Variants in ZNF248 observed in about 807,000 individuals in gnomAD.
The protein encoded by ZNF248 is zinc finger protein 248.
ZNF248 carries 20 observed loss-of-function variants against 44.3 expected under a neutral mutation model. The ratio of observed to expected loss-of-function variants is 0.45; its 90% CI spans 0.32 to 0.66. The LOEUF (loss-of-function observed/expected upper bound fraction) is 0.66, where lower values mean the gene tolerates loss of function less well. Among genes scored for constraint, ZNF248 ranks in the 30% least tolerant of loss-of-function variants. The pLI, the probability that ZNF248 is intolerant of heterozygous loss-of-function variation, is 0.04. For missense variants in ZNF248, 654 were observed against 677.0 expected, an observed-to-expected ratio of 0.97 and a Z score of 0.38; for synonymous variants, 224 against 229.0, an observed-to-expected ratio of 0.98 and a Z score of 0.20.
At chr10:37,768,526 G>A in the ZNF248 span, among the ~76,000 whole-genome samples, 3 of 152,110 alleles carry the variant, frequency 2.0e-5, no homozygotes, top group Non-Finnish European at 2.9e-5. Context: ...TGACTACTGG[G>A]TACATAACGA....
chr10:37,848,300 A>C (rs995892245), intron 3 of ZNF248, among the ~76,000 whole-genome samples: 3 of 150,126 alleles, frequency 2.0e-5, no homozygotes, highest in African/African-American at 7.4e-5. Flanking sequence ...AAAACAGAAT[A>C]CAGCCAGGCA....
chr10:37,758,585 A>G, the ZNF248 span, among the ~76,000 whole-genome samples: 1 of 152,164 alleles, frequency 6.6e-6, no homozygotes, highest in East Asian at 1.9e-4. Flanking sequence ...ACTCACAATA[A>G]CACCTATTCC....
At chr10:37,778,744 G>C (rs1319832507) in intron 6 of ZNF248, among the ~76,000 whole-genome samples, 3 of 151,226 alleles carry the variant, frequency 2.0e-5, no homozygotes, top group Admixed American at 6.6e-5. Context: ...TTTTTTGAAA[G>C]GATCAACAAA....
At chr10:37,818,696 C>G in intron 6 of ZNF248, 1 of 555,904 alleles carries the variant, frequency 1.8e-6, no homozygotes, top group Non-Finnish European at 3.4e-6. Flanking sequence ...GGATATAATG[C>G]AGCAAGTAGG....
rs190789661 is a variant in ZNF248 at position 37,780,203 on chromosome 10, G to A, written c.331-3628C>T. 4.1e-3 allele frequency among the ~76,000 whole-genome samples: 625 copies of A among 151,694 alleles called. 3 individuals carry two copies. Among genetic ancestry groups the A allele is most frequent in the Non-Finnish European group, 6.1e-3 (415 of 67,848 alleles). The stretch of plus-strand genomic sequence containing the variant: ...ATGGAACCAAAAAGGAGCCCGCATC[G>A]CCAAGTCAATCCTAAGCCAAAAGAA... On this transcript the variant is annotated intron_variant, in intron 6 of 6. Transcript: ENST00000615949.
chr10:37,838,713 T>C (rs1324433029), intron 3 of ZNF248, among the ~76,000 whole-genome samples: 3 of 151,270 alleles, frequency 2.0e-5, no homozygotes, highest in African/African-American at 7.3e-5. Flanking sequence ...AGTAAAAAAA[T>C]TCATGGTATG....
chr10:37,768,978 A>T, the ZNF248 span, among the ~76,000 whole-genome samples: 5 of 152,236 alleles, frequency 3.3e-5, no homozygotes, highest in African/African-American at 1.2e-4. Flanking sequence ...CTACCATCAG[A>T]GAATACTACA....
At chr10:37,838,436 T>C (rs1046281763) in intron 3 of ZNF248, among the ~76,000 whole-genome samples, 7 of 152,170 alleles carry the variant, frequency 4.6e-5, no homozygotes, top group Non-Finnish European at 1.0e-4. Flanking sequence ...ACCAAGGAGA[T>C]TGAAGTTACA....
At chr10:37,788,039 C>T (rs574086025) in intron 6 of ZNF248, among the ~76,000 whole-genome samples, 10 of 151,746 alleles carry the variant, frequency 6.6e-5, no homozygotes, top group Admixed American at 1.3e-4. Flanking sequence ...GAGGCTGAGG[C>T]GGGCAGATCA....
chr10:37,838,689 A>T (rs1214632473), intron 3 of ZNF248, among the ~76,000 whole-genome samples: 3 of 152,052 alleles, frequency 2.0e-5, no homozygotes, highest in Non-Finnish European at 2.9e-5. Flanking sequence ...TTTTAAATAC[A>T]ATATTTGGTA....
At chr10:37,779,444 G>T (rs11011365) in intron 6 of ZNF248, among the ~76,000 whole-genome samples, 2 of 152,052 alleles carry the variant, frequency 1.3e-5, no homozygotes, top group African/African-American at 4.8e-5. Flanking sequence ...TGCAGAAAAG[G>T]CCTTTGACAA....
intron 6 of ZNF248, among the ~76,000 whole-genome samples, chr10:37,804,450 T>C (rs1412198760): frequency 6.6e-6 from 1 of 151,222 alleles, no homozygotes; most frequent in Non-Finnish European, 1.5e-5. Flanking sequence ...ATTTCTTTAT[T>C]TGAGACAAGG....
At chr10:37,766,061 G>A in the ZNF248 span, among the ~76,000 whole-genome samples, 17 of 152,400 alleles carry the variant, frequency 1.1e-4, no homozygotes, top group Non-Finnish European at 2.5e-4. Context: ...CGCTGCGGGA[G>A]GGGCGCCTGC....
chr10:37,789,984 G>A (rs1299090718), intron 6 of ZNF248, among the ~76,000 whole-genome samples: 1 of 151,972 alleles, frequency 6.6e-6, no homozygotes, highest in African/African-American at 2.4e-5. Flanking sequence ...GCCTGGGGCC[G>A]GGCGCCATGG....
the ZNF248 span, among the ~76,000 whole-genome samples, chr10:37,759,393 A>C: frequency 1.3e-5 from 2 of 152,154 alleles, no homozygotes; most frequent in Admixed American, 1.3e-4. Flanking sequence ...GAAACTATAC[A>C]TTGGGTGCTA....
At chr10:37,767,300 G>C in the ZNF248 span, among the ~76,000 whole-genome samples, 1 of 152,076 alleles carries the variant, frequency 6.6e-6, no homozygotes, top group Non-Finnish European at 1.5e-5. Flanking sequence ...CTCGAGAAGA[G>C]CAAGTCCAAG....
At chr10:37,768,931 A>G in the ZNF248 span, among the ~76,000 whole-genome samples, 2 of 152,202 alleles carry the variant, frequency 1.3e-5, no homozygotes, top group Non-Finnish European at 2.9e-5. Context: ...AAAAAATGAT[A>G]AAGGGGATAT....
At chr10:37,852,076 T>C (rs1044916867) in intron 3 of ZNF248, among the ~76,000 whole-genome samples, 1 of 151,846 alleles carries the variant, frequency 6.6e-6, no homozygotes, top group African/African-American at 2.4e-5. Context: ...GGAGAAACCC[T>C]GTCTCTACTA....
the ZNF248 span, among the ~76,000 whole-genome samples, chr10:37,769,270 T>G: frequency 6.6e-6 from 1 of 152,210 alleles, no homozygotes; most frequent in Non-Finnish European, 1.5e-5. Context: ...TAACTCATTT[T>G]ATGAGGCCAG....
Sources: gnomAD v4.1 joint callset for allele counts (sites outside exome capture counted in the v4.1 genomes callset) on GRCh38, gnomAD v4.1.1 for gene constraint, MANE v1.5 for transcripts, NCBI Gene and HGNC (gene_info 2026-07-23, HGNC 2026-07-21) for gene names.